EHHADH: variants seen among roughly 807,000 people sequenced by gnomAD.
The protein encoded by EHHADH is peroxisomal bifunctional enzyme.
Under a neutral mutation model 64.4 loss-of-function variants are expected in EHHADH, and 48 were observed. The ratio of observed to expected loss-of-function variants is 0.75; its 90% confidence interval spans 0.59 to 0.95. EHHADH has a LOEUF of 0.95. Ranked by LOEUF, EHHADH falls within the 40% of genes least tolerant of loss-of-function variation. The pLI is 0.00. For missense variants in EHHADH, 854 were observed against 876.6 expected (o/e 0.97, Z 0.33); for synonymous variants, 308 against 326.7 (o/e 0.94, Z 0.62).
At chr3:185,206,881 T>C (rs1718409769) in intron 5 of EHHADH, among the ~76,000 whole-genome samples, 1 of 149,450 alleles carries the variant, frequency 6.7e-6, no homozygotes, top group Non-Finnish European at 1.5e-5. Flanking sequence ...TAGAAGAAAA[T>C]ACTTGTGTGG....
At position 185,211,990 on chromosome 3, in the gene EHHADH, A is replaced by G. The variant is rs996340250; in HGVS notation, c.568+6146T>C. On this transcript the variant is annotated intron_variant, in intron 5 of 6. Transcript: ENST00000231887. ...ATTACAGAAAGGAAAACGGAGCATT[A>G]GGTTCCAGAGTTGACACTCCCAGCT... is the stretch of plus-strand genomic sequence containing the variant. Among the ~76,000 whole-genome samples, 11 of 152,226 alleles carry G rather than the reference A, an allele frequency of 7.2e-5. 1 individual carries two copies. Among genetic ancestry groups the G allele is most frequent in the Admixed American group, 6.5e-4 (10 of 15,282 alleles).
intron 5 of EHHADH, among the ~76,000 whole-genome samples, chr3:185,212,722 T>G (rs1036152210): frequency 1.3e-5 from 2 of 152,222 alleles, no homozygotes; most frequent in African/African-American, 2.4e-5. Context: ...GTCACCACTT[T>G]AAAGTGTATA....
At chr3:185,202,563 G>A (rs962781956) in intron 6 of EHHADH, among the ~76,000 whole-genome samples, 3 of 152,134 alleles carry the variant, frequency 2.0e-5, no homozygotes, top group African/African-American at 4.8e-5. Context: ...GTACCAGTCC[G>A]TGACCTGTTA....
chr3:185,228,257 A>AAAAATATAT (rs1367786172), intron 4 of EHHADH, among the ~76,000 whole-genome samples: 7 of 22,006 alleles, frequency 3.2e-4, no homozygotes, highest in Non-Finnish European at 6.4e-4. Context: ...AAAAAAAAAA[A>AAAAATATAT]ATATATATAT....
In EHHADH at chr3:185,204,465, T is replaced by C. The variant is rs140339876; in HGVS notation, c.861A>G (p.Ala287=). 1,331 of 1,613,624 alleles carry C rather than the reference T, an allele frequency of 8.2e-4. 11 individuals carry two copies. In the African/African-American group the frequency reaches 0.016, roughly 19 times the overall value. Residue 287 remains alanine, a synonymous_variant, in exon 6 of 7, where the codon GCA becomes GCG. Transcript: ENST00000231887. Reference sequence around the variant, plus strand: ...GCCGCGCTGATGCTGTTTTCCACGATGCTCCGGAGGGAGTTGACCACTTAT... The same window carrying C: ...GCCGCGCTGATGCTGTTTTCCACGACGCTCCGGAGGGAGTTGACCACTTAT... The part of the protein sequence containing the change: ...KANKWSTPSG[A]SWKTASARPV...
intron 6 of EHHADH, among the ~76,000 whole-genome samples, chr3:185,203,065 A>G (rs4686538): frequency 0.69 from 103,746 of 151,266 alleles, 37,921 homozygotes; most frequent in Non-Finnish European, 0.82. Context: ...ATACTTACAA[A>G]TCGTAAAGAT....
intron 5 of EHHADH, among the ~76,000 whole-genome samples, chr3:185,209,680 T>C (rs555121212): frequency 1.3e-5 from 2 of 152,346 alleles, no homozygotes; most frequent in Admixed American, 1.3e-4. Flanking sequence ...CATGGTAATA[T>C]AGATATATTG....
intron 1 of EHHADH, among the ~76,000 whole-genome samples, chr3:185,253,441 G>T: frequency 1.0e-5 from 1 of 96,486 alleles, no homozygotes; most frequent in Non-Finnish European, 1.9e-5. Flanking sequence ...AGGGGGGAGG[G>T]ATAGCATTAG....
chr3:185,238,805 A>T (rs370775746), intron 2 of EHHADH, among the ~76,000 whole-genome samples: 11 of 152,076 alleles, frequency 7.2e-5, no homozygotes, highest in African/African-American at 2.4e-4. Context: ...ATTAAGTCCC[A>T]TTCATCTATT....
chr3:185,253,843 A>T, intron 1 of EHHADH, 106 bp downstream of exon 1: 3 of 1,513,372 alleles, frequency 2.0e-6, no homozygotes, highest in Non-Finnish European at 2.7e-6. Context: ...TCAACTCTTG[A>T]GTGTCCTTCT....
chr3:185,214,429 T>C (rs1718630295), intron 5 of EHHADH, among the ~76,000 whole-genome samples: 1 of 152,164 alleles, frequency 6.6e-6, no homozygotes, highest in Non-Finnish European at 1.5e-5. Context: ...TGACCTCCAG[T>C]CCTGAGCCCA....
chr3:185,209,224 A>G (rs568545657), intron 5 of EHHADH, among the ~76,000 whole-genome samples: 74 of 152,328 alleles, frequency 4.9e-4, no homozygotes, highest in African/African-American at 1.8e-3. Flanking sequence ...TTATTGAAGA[A>G]CATAAAATAA....
chr3:185,205,498 G>A (rs1455114719), intron 5 of EHHADH, among the ~76,000 whole-genome samples: 1 of 152,150 alleles, frequency 6.6e-6, no homozygotes, highest in African/African-American at 2.4e-5. Flanking sequence ...GAAGAGAATC[G>A]AGAGTTCACA....
intron 4 of EHHADH, among the ~76,000 whole-genome samples, chr3:185,228,880 C>T (rs983638364): frequency 2.0e-5 from 3 of 151,622 alleles, no homozygotes; most frequent in East Asian, 2.0e-4. Context: ...CTCAGCTCAC[C>T]GCAACCTCCG....
At chr3:185,234,435 A>T (rs59579577) in intron 3 of EHHADH, among the ~76,000 whole-genome samples, 19,842 of 152,280 alleles carry the variant, frequency 0.13, 1,929 homozygotes, top group African/African-American at 0.27. Context: ...GCATCAGTGA[A>T]ACCTGATATG....
At chr3:185,244,466 T>C (rs1441148476) in intron 2 of EHHADH, among the ~76,000 whole-genome samples, 1 of 152,236 alleles carries the variant, frequency 6.6e-6, no homozygotes, top group Non-Finnish European at 1.5e-5. Context: ...GTAATTTTTC[T>C]TTTCCATACT....
chr3:185,204,456 T>G lies in EHHADH; in HGVS notation c.870A>C (p.Lys290Asn). The G allele has an allele frequency of 1.9e-6, 3 of 1,613,254 alleles. No homozygotes were observed. In the Admixed American group the frequency reaches 5.0e-5, roughly 27 times the overall value. Residue 290 changes from lysine (K) to asparagine (N), a missense_variant, in exon 6 of 7, where the codon AAA (lysine) becomes AAC (asparagine). Transcript: ENST00000231887. Reference sequence around the variant, plus strand: ...AGGAGACAGGCCGCGCTGATGCTGTTTTCCACGATGCTCCGGAGGGAGTTG... The same window carrying G: ...AGGAGACAGGCCGCGCTGATGCTGTGTTCCACGATGCTCCGGAGGGAGTTG... ...KWSTPSGASW[K>N]TASARPVSSV...
At chr3:185,248,656 C>T in intron 1 of EHHADH, 139 bp from the exon 2 acceptor site, 1 of 600,850 alleles carries the variant, frequency 1.7e-6, no homozygotes, top group Non-Finnish European at 2.9e-6. Flanking sequence ...ATAAAGCTTC[C>T]AACAAATAAT....
chr3:185,215,917 TAC>T (rs1268003345), intron 5 of EHHADH, among the ~76,000 whole-genome samples: 1 of 152,110 alleles, frequency 6.6e-6, no homozygotes, highest in Non-Finnish European at 1.5e-5. Flanking sequence ...ATTTATATTC[TAC>T]ACATTTTTAT....
Sources: gnomAD v4.1 joint callset for allele counts (sites outside exome capture counted in the v4.1 genomes callset) on GRCh38, gnomAD v4.1.1 for gene constraint, MANE v1.5 for transcripts, NCBI Gene and HGNC (gene_info 2026-07-23, HGNC 2026-07-21) for gene names.